The following COL13A1 variants were observed in gnomAD, a reference collection of about 807,000 sequenced individuals.
The protein encoded by COL13A1 is collagen alpha-1(XIII) chain.
COL13A1 carries 89 observed loss-of-function variants against 130.9 expected under a neutral mutation model. That is an observed-to-expected ratio of 0.68 (90% CI 0.57 to 0.81). The LOEUF is 0.81. Among genes scored for constraint, COL13A1 ranks in the 30% least tolerant of loss-of-function variants. COL13A1 has a pLI of 0.00. For missense variants in COL13A1, 879 were observed against 934.6 expected (o/e 0.94, Z 0.78); for synonymous variants, 402 against 341.6 (o/e 1.18, Z -1.95).
At chr10:69,951,751 C>T (rs538170905) in intron 38 of COL13A1, among the ~76,000 whole-genome samples, 62 of 152,284 alleles carry the variant, frequency 4.1e-4, no homozygotes, top group Admixed American at 9.2e-4. Context: ...CACAAAGTCA[C>T]GCAGCTAACT....
chr10:69,930,628 CT>C, intron 30 of COL13A1, 76 bp downstream of exon 30: 1 of 1,494,162 alleles, frequency 6.7e-7, no homozygotes, highest in Non-Finnish European at 9.0e-7. Context: ...GGGCTTTGCA[CT>C]TTGCATGATG....
At position 69,815,159 on chromosome 10, in the gene COL13A1, C is replaced by T. The variant is rs1044908845; in HGVS notation, c.295-7210C>T. ...CTCAAGGTCACAGCTGCAGGTCTCA[C>T]CTGGCTTCTCCCTCTGGGCTGTGTC... On this transcript the variant is annotated intron_variant, in intron 1 of 40. Coordinates refer to ENST00000645393, the MANE Select transcript of COL13A1 (RefSeq NM_001368882.1). Among the ~76,000 whole-genome samples, 12 of 152,270 alleles carry T rather than the reference C, an allele frequency of 7.9e-5. 1 individual carries two copies. The South Asian group carries it at 2.5e-3, about 32-fold the overall frequency.
chr10:69,807,229 C>T (rs1355356191), intron 1 of COL13A1, among the ~76,000 whole-genome samples: 1 of 152,138 alleles, frequency 6.6e-6, no homozygotes, highest in Non-Finnish European at 1.5e-5. Context: ...TTTCAATCCT[C>T]ACAACTTCCC....
rs995503749 is a variant in COL13A1, at chr10:69,932,453, C to G, written c.1684-107C>G. 1.2e-5 allele frequency: 9 copies of G among 757,482 alleles called. No individual in the cohort carries two copies. The African/African-American group carries it at 1.5e-4, about 13-fold the overall frequency. The allele number at this position is 757,482 out of a possible 1,614,324, so 46.9% of individuals were successfully genotyped here. A position where few individuals can be genotyped will look rare whatever the true frequency, so the allele number is the denominator to read the frequency against. On this transcript the variant is annotated intron_variant, in intron 30 of 40. Coordinates refer to ENST00000645393, the MANE Select transcript of COL13A1 (RefSeq NM_001368882.1). ...ATCCTCCATGGTGTTCCTTGTTGAC[C>G]CCTAGACCAGTCACGTCCCAGTCTA...
intron 37 of COL13A1, 111 bp from the exon 38 acceptor site, chr10:69,947,196 T>C: frequency 1.1e-6 from 1 of 940,730 alleles, no homozygotes; most frequent in Admixed American, 2.1e-5. Context: ...TAACTAAACC[T>C]GTCTCCAGTG....
At chr10:69,898,673 C>T in intron 13 of COL13A1, 24 bp from the exon 14 acceptor site, 2 of 1,608,562 alleles carry the variant, frequency 1.2e-6, no homozygotes, top group Middle Eastern at 1.7e-4. Context: ...GCCCTCTGGC[C>T]CTCCAACTCA....
At chr10:69,886,607 T>C (rs145103983) in intron 7 of COL13A1, among the ~76,000 whole-genome samples, 3 of 152,260 alleles carry the variant, frequency 2.0e-5, no homozygotes, top group Non-Finnish European at 4.4e-5. Context: ...GCCTTGAACA[T>C]GGTAGAAAGG....
At chr10:69,952,425 G>C (rs1399098690) in intron 38 of COL13A1, among the ~76,000 whole-genome samples, 1 of 152,094 alleles carries the variant, frequency 6.6e-6, no homozygotes, top group African/African-American at 2.4e-5. Flanking sequence ...CACATCCCAG[G>C]GCTCCAAGCA....
intron 10 of COL13A1, among the ~76,000 whole-genome samples, chr10:69,892,224 G>A (rs2061250243): frequency 6.6e-6 from 1 of 152,218 alleles, no homozygotes; most frequent in Non-Finnish European, 1.5e-5. Context: ...GCCCACCGCT[G>A]TCCAGCATCA....
chr10:69,905,680 A>G, intron 16 of COL13A1, 107 bp from the exon 17 acceptor site: 1 of 1,268,346 alleles, frequency 7.9e-7, no homozygotes, highest in South Asian at 1.3e-5. Context: ...GGGCAGTGGA[A>G]CTTGGAGTCA....
At chr10:69,833,895 T>C (rs1175331643) in intron 2 of COL13A1, among the ~76,000 whole-genome samples, 1 of 151,412 alleles carries the variant, frequency 6.6e-6, no homozygotes, top group Non-Finnish European at 1.5e-5. Flanking sequence ...GTGGAGGGAG[T>C]TGGACACCAC....
At chr10:69,810,345 AAT>A (rs377702804) in intron 1 of COL13A1, among the ~76,000 whole-genome samples, 14 of 98,064 alleles carry the variant, frequency 1.4e-4, no homozygotes, top group Non-Finnish European at 1.8e-4. Context: ...AGGCCCTGAG[AAT>A]GAGAGAGAGA....
intron 2 of COL13A1, among the ~76,000 whole-genome samples, chr10:69,840,106 G>T (rs1040549937): frequency 1.3e-5 from 2 of 152,192 alleles, no homozygotes; most frequent in Non-Finnish European, 2.9e-5. Flanking sequence ...ACGCTAGCAG[G>T]CCTTGCTGAT....
intron 21 of COL13A1, among the ~76,000 whole-genome samples, chr10:69,920,101 T>C (rs1023747531): frequency 5.3e-5 from 8 of 152,170 alleles, no homozygotes; most frequent in African/African-American, 1.9e-4. Context: ...TCCCTCCCAC[T>C]GCCAGGGCCT....
chr10:69,933,862 G>T (rs370264330), intron 31 of COL13A1, among the ~76,000 whole-genome samples: 1 of 152,038 alleles, frequency 6.6e-6, no homozygotes, highest in Non-Finnish European at 1.5e-5. Context: ...GCCAAGCACC[G>T]CACTAAGCCC....
rs1312900880 is a variant in COL13A1 at position 69,802,702 on chromosome 10, T to C, written c.279T>C (p.Asn93=). ...QMETAILGRV[N]QLLDEKWKLH... is the part of the protein sequence containing the mutation. ...AGACGGCTATTTTGGGACGAGTCAA[T>C]CAACTGCTGGACGAGGTCTGTGCTC... The change falls in exon 1 of 41, where the codon AAT becomes AAC. Residue 93 remains asparagine, a synonymous_variant. Coordinates refer to ENST00000645393, the MANE Select transcript of COL13A1 (RefSeq NM_001368882.1). 1 of 1,612,222 alleles carries C rather than the reference T, an allele frequency of 6.2e-7. No homozygotes were observed. Among genetic ancestry groups the C allele is most frequent in the Admixed American group, 1.7e-5 (1 of 59,990 alleles).
intron 13 of COL13A1, among the ~76,000 whole-genome samples, chr10:69,897,935 A>G (rs2061816037): frequency 6.6e-6 from 1 of 152,220 alleles, no homozygotes; most frequent in African/African-American, 2.4e-5. Flanking sequence ...CACATTAGAT[A>G]ATATGACTGC....
intron 38 of COL13A1, among the ~76,000 whole-genome samples, chr10:69,952,123 C>T (rs956245552): frequency 3.3e-5 from 5 of 152,344 alleles, no homozygotes; most frequent in South Asian, 2.1e-4. Context: ...ATACAAATAA[C>T]GGTCTGACTT....
intron 2 of COL13A1, among the ~76,000 whole-genome samples, chr10:69,842,699 C>T (rs968094331): frequency 6.6e-6 from 1 of 152,226 alleles, no homozygotes; most frequent in African/African-American, 2.4e-5. Flanking sequence ...CCAGGACAGG[C>T]TGTGCATGCC....
Sources: gnomAD v4.1 joint callset for allele counts (sites outside exome capture counted in the v4.1 genomes callset) on GRCh38, gnomAD v4.1.1 for gene constraint, MANE v1.5 for transcripts, NCBI Gene and HGNC (gene_info 2026-07-23, HGNC 2026-07-21) for gene names.